The following EPHA6 variants were observed in gnomAD, a reference collection of about 807,000 sequenced individuals.
EPHA6 encodes the protein ephrin type-A receptor 6.
In EPHA6, 50 loss-of-function variants were observed where a neutral mutation model predicts 112.0. That is an observed-to-expected ratio of 0.45 (90% CI 0.36 to 0.56). EPHA6 has a LOEUF of 0.56. Ranked by LOEUF, EPHA6 falls within the 20% of genes least tolerant of loss-of-function variation. The pLI is 0.00. For synonymous variants in EPHA6, 529 were observed against 490.7 expected, an observed-to-expected ratio of 1.08 and a Z score of -1.03; for missense variants, 1,280 against 1,417.4, an observed-to-expected ratio of 0.90 and a Z score of 1.56.
chr3:97,128,557 T>C (rs568614167), intron 3 of EPHA6, among the ~76,000 whole-genome samples: 8 of 152,254 alleles, frequency 5.3e-5, no homozygotes, highest in Non-Finnish European at 1.0e-4. Flanking sequence ...GTTGCCCTGA[T>C]GACTATGCAG....
intron 7 of EPHA6, among the ~76,000 whole-genome samples, chr3:97,461,053 G>A (rs748623311): frequency 1.6e-4 from 25 of 152,212 alleles, no homozygotes; most frequent in Non-Finnish European, 2.8e-4. Flanking sequence ...CAAGTAACAC[G>A]TGATCATTCG....
rs140228093 is a variant in EPHA6 at position 97,621,006 on chromosome 3, A to G, written c.2574+10152A>G. Among the ~76,000 whole-genome samples, 336 of 152,206 alleles carry G rather than the reference A, an allele frequency of 2.2e-3. 2 individuals carry two copies. The highest frequency in any genetic ancestry group is 7.8e-3 in the African/African-American group (326 of 41,564). ...CTATACAAAATTGCAAAGATGTGGA[A>G]TCAACCCAAATGCCCATCAATGATA... On this transcript the variant is annotated intron_variant, in intron 13 of 17. Coordinates refer to ENST00000389672, the MANE Select transcript of EPHA6 (RefSeq NM_001080448.3).
Position 97,110,936 on chromosome 3 carries a change from C to A in EPHA6, c.1115-115328C>A, listed in dbSNP as rs552710997. ...TTGTCAAAATTTGCAGGAAGTACTA[C>A]AAAATATGTGATTATTACCTATACT... On this transcript the variant is annotated intron_variant, in intron 3 of 17. Transcript: ENST00000389672. 5.9e-4 allele frequency among the ~76,000 whole-genome samples: 90 copies of A among 152,156 alleles called. No homozygotes were observed. The Middle Eastern group carries it at 0.014, about 23-fold the overall frequency.
At chr3:97,514,643 T>C (rs932689254) in intron 10 of EPHA6, among the ~76,000 whole-genome samples, 1 of 152,148 alleles carries the variant, frequency 6.6e-6, no homozygotes, top group Non-Finnish European at 1.5e-5. Context: ...CTCTAACTTA[T>C]AGTATGACTA....
chr3:97,690,836 G>T (rs2032617154), intron 14 of EPHA6, among the ~76,000 whole-genome samples: 1 of 151,952 alleles, frequency 6.6e-6, no homozygotes, highest in Non-Finnish European at 1.5e-5. Context: ...TATATGTTCT[G>T]GATACAAGTC....
intron 13 of EPHA6, among the ~76,000 whole-genome samples, chr3:97,633,611 G>T (rs1287179603): frequency 6.6e-6 from 1 of 152,056 alleles, no homozygotes; most frequent in Non-Finnish European, 1.5e-5. Flanking sequence ...TAATACTCAT[G>T]TCCTACTTTA....
intron 1 of EPHA6, among the ~76,000 whole-genome samples, chr3:96,820,266 A>G (rs1027618523): frequency 2.0e-5 from 3 of 152,112 alleles, no homozygotes; most frequent in Non-Finnish European, 4.4e-5. Flanking sequence ...ATTATCCTAG[A>G]TAAAGCATGA....
intron 3 of EPHA6, among the ~76,000 whole-genome samples, chr3:97,156,102 T>G (rs547137074): frequency 6.6e-6 from 1 of 152,274 alleles, no homozygotes; most frequent in Admixed American, 6.5e-5. Context: ...AATACAAATG[T>G]GAAGTTATTT....
rs201613965 is a variant in EPHA6, at chr3:96,938,791, C to CT, written c.451-48538dup. 1.2e-4 allele frequency among the ~76,000 whole-genome samples: 19 copies of CT among 152,098 alleles called. No individual in the cohort carries two copies. In the East Asian group the frequency reaches 3.5e-3, roughly 28 times the overall value. ...ATTTTGAGATACGTCCCATCAATAC[C>CT]TAATTTATTGAGAGTTTTTAGCATG... On this transcript the variant is annotated intron_variant, in intron 2 of 17. Coordinates refer to ENST00000389672, the MANE Select transcript of EPHA6 (RefSeq NM_001080448.3).
At chr3:97,465,237 C>CAATT (rs2091014428) in intron 7 of EPHA6, among the ~76,000 whole-genome samples, 1 of 151,976 alleles carries the variant, frequency 6.6e-6, no homozygotes, top group Non-Finnish European at 1.5e-5. Context: ...TTACTTAACT[C>CAATT]AATTCCCTAG....
chr3:96,937,008 C>A (rs889581588), intron 2 of EPHA6, among the ~76,000 whole-genome samples: 2 of 151,940 alleles, frequency 1.3e-5, no homozygotes, highest in South Asian at 2.1e-4. Context: ...CAAGTCTATC[C>A]TTGTTGGATA....
At chr3:97,576,304 G>A (rs1483521427) in intron 11 of EPHA6, among the ~76,000 whole-genome samples, 1 of 151,562 alleles carries the variant, frequency 6.6e-6, no homozygotes, top group Non-Finnish European at 1.5e-5. Context: ...TCCTTGATCA[G>A]TCCAGGGAGC....
At chr3:96,868,735 C>T (rs879435012) in intron 2 of EPHA6, among the ~76,000 whole-genome samples, 2 of 151,832 alleles carry the variant, frequency 1.3e-5, no homozygotes, top group Non-Finnish European at 1.5e-5. Context: ...TAATGTATTT[C>T]TCAGGAATAA....
intron 3 of EPHA6, among the ~76,000 whole-genome samples, chr3:97,102,941 C>G (rs1426224025): frequency 1.3e-5 from 2 of 151,966 alleles, no homozygotes; most frequent in African/African-American, 2.4e-5. Context: ...TGAAAAGTAT[C>G]TGTTTATTTA....
intron 11 of EPHA6, among the ~76,000 whole-genome samples, chr3:97,552,355 T>TTCTTTTCC (rs2093040549): frequency 6.6e-6 from 1 of 152,186 alleles, no homozygotes; most frequent in South Asian, 2.1e-4. Context: ...AGGCATCTAC[T>TTCTTTTCC]TCTTTTCCTA....
chr3:97,661,228 T>C (rs1220315715), intron 14 of EPHA6, among the ~76,000 whole-genome samples: 1 of 152,160 alleles, frequency 6.6e-6, no homozygotes, highest in Non-Finnish European at 1.5e-5. Context: ...TGGTATTACA[T>C]TATCAAGACA....
At chr3:97,373,386 A>C (rs971136660) in intron 5 of EPHA6, among the ~76,000 whole-genome samples, 1 of 151,126 alleles carries the variant, frequency 6.6e-6, no homozygotes, top group Non-Finnish European at 1.5e-5. Flanking sequence ...ATAGTCTGTA[A>C]GAATAAGCTG....
intron 6 of EPHA6, among the ~76,000 whole-genome samples, chr3:97,444,004 A>G (rs1401231381): frequency 6.6e-6 from 1 of 152,134 alleles, no homozygotes; most frequent in African/African-American, 2.4e-5. Context: ...TAATTTACTT[A>G]TTCTTTCTGG....
intron 8 of EPHA6, 48 bp downstream of exon 8, chr3:97,475,508 CT>C (rs1182595894): frequency 7.7e-7 from 1 of 1,296,534 alleles, no homozygotes; most frequent in Non-Finnish European, 1.1e-6. Flanking sequence ...AATAACCACT[CT>C]TTTTATACAT....
Sources: gnomAD v4.1 joint callset for allele counts (sites outside exome capture counted in the v4.1 genomes callset) on GRCh38, gnomAD v4.1.1 for gene constraint, MANE v1.5 for transcripts, NCBI Gene and HGNC (gene_info 2026-07-23, HGNC 2026-07-21) for gene names.